Variants in ZBTB20 observed in about 807,000 individuals in gnomAD.
ZBTB20 encodes zinc finger and BTB domain-containing protein 20.
ZBTB20 carries 9 observed loss-of-function variants against 56.9 expected under a neutral mutation model. The ratio of observed to expected loss-of-function variants is 0.16; its 90% CI spans 0.10 to 0.28. The LOEUF (loss-of-function observed/expected upper bound fraction) is 0.28. Ranked by LOEUF, ZBTB20 falls within the 10% of genes least tolerant of loss-of-function variation. ZBTB20 has a pLI of 1.00. For missense variants in ZBTB20, 655 were observed against 1,003.0 expected, an observed-to-expected ratio of 0.65 and a Z score of 4.69; for synonymous variants, 417 against 420.7, an observed-to-expected ratio of 0.99 and a Z score of 0.11.
At chr3:114,587,634 G>C (rs2055321249) in intron 6 of ZBTB20, among the ~76,000 whole-genome samples, 1 of 152,170 alleles carries the variant, frequency 6.6e-6, no homozygotes, top group Non-Finnish European at 1.5e-5. Context: ...AAAATGTAGG[G>C]AGTTAAGTAC....
chr3:114,454,539 G>C (rs1356333382), intron 7 of ZBTB20: 1 of 150,976 alleles, frequency 6.6e-6, no homozygotes, highest in Non-Finnish European at 1.5e-5. Flanking sequence ...TTTCCATCTC[G>C]GTTGCGACAC....
chr3:114,631,379 A>ATTTTTT (rs1479430066), intron 6 of ZBTB20, among the ~76,000 whole-genome samples: 4 of 22,372 alleles, frequency 1.8e-4, no homozygotes, highest in Non-Finnish European at 4.3e-4. Flanking sequence ...TAAATAGGTT[A>ATTTTTT]TTCTTTTTTT....
intron 5 of ZBTB20, among the ~76,000 whole-genome samples, chr3:114,739,464 G>C (rs1002536066): frequency 6.6e-6 from 1 of 152,184 alleles, no homozygotes; most frequent in Non-Finnish European, 1.5e-5. Context: ...ACAGGGCCCT[G>C]TTTAAGCCAG....
chr3:114,346,409 A>C (rs2080189694), intron 11 of ZBTB20, among the ~76,000 whole-genome samples: 1 of 151,858 alleles, frequency 6.6e-6, no homozygotes, highest in Non-Finnish European at 1.5e-5. Flanking sequence ...GTTTACATCA[A>C]AAGGCAGAAA....
chr3:115,006,118 C>T (rs923022286), intron 2 of ZBTB20, among the ~76,000 whole-genome samples: 4 of 151,556 alleles, frequency 2.6e-5, no homozygotes, highest in African/African-American at 7.3e-5. Flanking sequence ...ATCACTGGAT[C>T]CTTCTTATCA....
intron 6 of ZBTB20, among the ~76,000 whole-genome samples, chr3:114,632,209 T>C (rs1055628161): frequency 1.3e-5 from 2 of 152,220 alleles, no homozygotes; most frequent in Admixed American, 6.5e-5. Flanking sequence ...GCAAGCCATG[T>C]TGGGTTGTCT....
intron 2 of ZBTB20, among the ~76,000 whole-genome samples, chr3:115,027,047 A>G (rs1312801584): frequency 6.6e-6 from 1 of 150,984 alleles, no homozygotes; most frequent in African/African-American, 2.4e-5. Flanking sequence ...ATAATATCCT[A>G]TAGTAAGAAT....
chr3:115,047,765 G>A (rs1247189455), intron 2 of ZBTB20, among the ~76,000 whole-genome samples: 1 of 152,062 alleles, frequency 6.6e-6, no homozygotes, highest in Non-Finnish European at 1.5e-5. Context: ...TCTAATTGGT[G>A]GTGAACAGCT....
At chr3:114,635,694 T>C (rs1485212870) in intron 6 of ZBTB20, among the ~76,000 whole-genome samples, 1 of 149,736 alleles carries the variant, frequency 6.7e-6, no homozygotes, top group East Asian at 1.9e-4. Flanking sequence ...GCAGACCTAA[T>C]CAAGCAGAAG....
At chr3:114,971,485 G>A (rs1560450471) in intron 3 of ZBTB20, among the ~76,000 whole-genome samples, 1 of 152,214 alleles carries the variant, frequency 6.6e-6, no homozygotes, top group Non-Finnish European at 1.5e-5. Context: ...AGTGCGGATT[G>A]TAAAATAGGT....
intron 1 of ZBTB20, among the ~76,000 whole-genome samples, chr3:115,125,534 T>C (rs912835895): frequency 2.6e-5 from 4 of 151,962 alleles, no homozygotes; most frequent in East Asian, 1.9e-4. Flanking sequence ...ATGAAACTCA[T>C]AGAAGCAGAG....
chr3:114,623,872 G>C (rs781763647), intron 6 of ZBTB20, among the ~76,000 whole-genome samples: 2 of 151,872 alleles, frequency 1.3e-5, no homozygotes, highest in Non-Finnish European at 2.9e-5. Flanking sequence ...TCCATCGGTG[G>C]CAGTATGAAA....
At chr3:114,386,626 C>G (rs1389135662) in intron 8 of ZBTB20, among the ~76,000 whole-genome samples, 2 of 152,150 alleles carry the variant, frequency 1.3e-5, no homozygotes, top group African/African-American at 4.8e-5. Context: ...TCTCTTCCCC[C>G]ACTTTCACAT....
At chr3:114,760,100 C>G (rs1195778734) in intron 5 of ZBTB20, among the ~76,000 whole-genome samples, 1 of 152,096 alleles carries the variant, frequency 6.6e-6, no homozygotes, top group Non-Finnish European at 1.5e-5. Flanking sequence ...TAAACAATTT[C>G]CAAAGATTCA....
rs201458631 is a variant in ZBTB20 at position 114,922,521 on chromosome 3, A to C, written c.-455-22179T>G. Among the ~76,000 whole-genome samples, 9 of 152,356 alleles carry C rather than the reference A, an allele frequency of 5.9e-5. No individual in the cohort carries two copies. The East Asian group carries it at 1.7e-3, about 29-fold the overall frequency. On this transcript the variant is annotated intron_variant, in intron 3 of 11. Coordinates refer to ENST00000675478, the MANE Select transcript of ZBTB20 (RefSeq NM_001348800.3). Reference sequence around the variant, plus strand: ...ACAAAAATTAGTTGCAGTTCCCTACATTAATAAAGAACTCTCTAAGAAATT... The same window carrying C: ...ACAAAAATTAGTTGCAGTTCCCTACCTTAATAAAGAACTCTCTAAGAAATT...
intron 5 of ZBTB20, among the ~76,000 whole-genome samples, chr3:114,728,887 T>C (rs1204647105): frequency 3.3e-5 from 5 of 152,110 alleles, no homozygotes; most frequent in Non-Finnish European, 1.5e-5. Flanking sequence ...ATGTCTTCTT[T>C]TGAGAAGTGT....
chr3:114,685,526 A>T (rs544065390), intron 6 of ZBTB20, among the ~76,000 whole-genome samples: 1 of 152,338 alleles, frequency 6.6e-6, no homozygotes, highest in South Asian at 2.1e-4. Flanking sequence ...TGCTTCAATA[A>T]GTAAATAAAA....
rs1358222578 is a variant in ZBTB20, at chr3:115,147,235, ATCT to A, written c.-722_-720del. The A allele has an allele frequency of 2.7e-5, 4 of 150,754 alleles. No homozygotes were observed. The highest frequency in any genetic ancestry group is 5.9e-5 in the Non-Finnish European group (4 of 67,846). The allele number at this position is 150,754 out of a possible 1,614,324, so 9.3% of individuals were successfully genotyped here. ...TGGCATTACCTCCTCGCGCTCTTTA[ATCT>A]TCTTTCCTCAACTCCTAAACTTCCC... On this transcript the variant is annotated 5_prime_UTR_variant, in exon 1 of 12. Coordinates refer to ENST00000675478, the MANE Select transcript of ZBTB20 (RefSeq NM_001348800.3).
At chr3:115,124,687 G>A (rs982651245) in intron 1 of ZBTB20, among the ~76,000 whole-genome samples, 1 of 152,126 alleles carries the variant, frequency 6.6e-6, no homozygotes, top group African/African-American at 2.4e-5. Context: ...ACAGGCCCTT[G>A]CAGATACAGA....
Sources: allele counts gnomAD v4.1 joint callset (sites outside exome capture counted in the v4.1 genomes callset), GRCh38; gene constraint gnomAD v4.1.1; transcripts MANE v1.5; gene names NCBI Gene and HGNC (gene_info 2026-07-23, HGNC 2026-07-21).